The following SEC31A variants were observed in gnomAD, a reference collection of about 807,000 sequenced individuals.
SEC31A encodes SEC31 homolog A, COPII component, also known as protein transport protein Sec31A.
A neutral mutation model predicts 151.0 loss-of-function variants in SEC31A; 70 were observed. The ratio of observed to expected loss-of-function variants is 0.46; its 90% CI spans 0.38 to 0.57. The LOEUF (loss-of-function observed/expected upper bound fraction) is 0.57, where lower values mean the gene tolerates loss of function less well. SEC31A is among the 20% of genes least tolerant of loss of function. SEC31A has a pLI of 0.00. For synonymous variants in SEC31A, 475 were observed against 505.9 expected (o/e 0.94, Z 0.82); for missense variants, 1,330 against 1,471.2 (o/e 0.90, Z 1.57).
In SEC31A at chr4:82,888,386, A is replaced by ATATATATATATACGCG. The variant is rs1553938457; in HGVS notation, c.-5+2701_-5+2702insCGCGTATATATATATA. On this transcript the variant is annotated intron_variant, in intron 1 of 26. Transcript: ENST00000395310. ...AAAAAAAAAAAAACACACAAAAAACATATATATATATACACACAGACACGG... is the reference window on the plus strand; with the variant it reads ...AAAAAAAAAAAAACACACAAAAAACATATATATATATACGCGTATATATATATACACACAGACACGG... Among the ~76,000 whole-genome samples the ATATATATATATACGCG allele has an allele frequency of 1.5e-4, 6 of 39,360 alleles. No individual in the cohort carries two copies. The East Asian group carries it at 3.1e-3, about 20-fold the overall frequency. The allele number at this position is 39,360 out of a possible 152,430, so 25.8% of individuals were successfully genotyped here.
intron 19 of SEC31A, among the ~76,000 whole-genome samples, chr4:82,851,017 T>C (rs567448191): frequency 2.8e-4 from 42 of 152,358 alleles, no homozygotes; most frequent in South Asian, 6.2e-4. Context: ...ACTTCAATAC[T>C]ATCTGGGATG....
chr4:82,822,157 A>G (rs771033665), intron 25 of SEC31A, among the ~76,000 whole-genome samples: 6 of 152,234 alleles, frequency 3.9e-5, no homozygotes, highest in Non-Finnish European at 8.8e-5. Flanking sequence ...TTCAATATTT[A>G]TTGGCTGCTT....
At chr4:82,835,185 C>G in intron 22 of SEC31A, among the ~76,000 whole-genome samples, 1 of 152,122 alleles carries the variant, frequency 6.6e-6, no homozygotes, top group East Asian at 1.9e-4. Flanking sequence ...CTGATCTCTA[C>G]TTTATAGAGA....
In SEC31A at chr4:82,881,942, T is replaced by G; in HGVS notation, c.-4-2A>C. The G allele has an allele frequency of 6.2e-7, 1 of 1,612,160 alleles. No homozygotes were observed. Among genetic ancestry groups the G allele is most frequent in the South Asian group, 1.1e-5 (1 of 91,030 alleles). On this transcript the variant is annotated splice_acceptor_variant, in intron 1 of 26. Transcript: ENST00000395310. LOFTEE classifies it low-confidence loss of function (5UTR_SPLICE). The stretch of plus-strand genomic sequence containing the variant: ...TCTACTTCCTTTAACTTCATCCTGC[T>G]AAAGGGAATATTTTATACAGAAACA...
At chr4:82,868,655 A>T (rs1320412876) in intron 8 of SEC31A, among the ~76,000 whole-genome samples, 1 of 152,172 alleles carries the variant, frequency 6.6e-6, no homozygotes, top group Admixed American at 6.5e-5. Flanking sequence ...TGATAAGTCA[A>T]ATGAACTTAA....
chr4:82,845,435 G>C (rs965743193), intron 20 of SEC31A: 4 of 448,590 alleles, frequency 8.9e-6, no homozygotes, highest in Admixed American at 8.2e-5. Context: ...TCAGGCAACT[G>C]CTTTCAAGGT....
In SEC31A at chr4:82,878,694, C is replaced by T. The variant is rs748810308; in HGVS notation, c.402+36G>A. 9.7e-6 allele frequency: 15 copies of T among 1,544,532 alleles called. No homozygotes were observed. The African/African-American group carries it at 1.8e-4, about 18-fold the overall frequency. ...ATATACTGATTTCAAATGAGCAGCACATAGTCTAAGAATTATGAAATGTTA... is the reference window on the plus strand; with the variant it reads ...ATATACTGATTTCAAATGAGCAGCATATAGTCTAAGAATTATGAAATGTTA... On this transcript the variant is annotated intron_variant, in intron 4 of 26. Coordinates refer to ENST00000395310, the MANE Select transcript of SEC31A (RefSeq NM_001077207.4).
At chr4:82,871,345 G>T (rs7685043) in intron 7 of SEC31A, 1,157,322 of 1,493,870 alleles carry the variant, frequency 0.77, 453,048 homozygotes, top group Admixed American at 0.82. Flanking sequence ...CACAAGTAAC[G>T]TAGGTACAGT....
chr4:82,833,408 G>A (rs1726452085), intron 22 of SEC31A, among the ~76,000 whole-genome samples: 1 of 152,056 alleles, frequency 6.6e-6, no homozygotes, highest in South Asian at 2.1e-4. Context: ...CCTGTGGGGG[G>A]CTAGGGGAGG....
chr4:82,836,744 T>C (rs1437379237), intron 22 of SEC31A, among the ~76,000 whole-genome samples: 1 of 152,104 alleles, frequency 6.6e-6, no homozygotes, highest in African/African-American at 2.4e-5. Context: ...GGGTACAGTG[T>C]TTCAGTATGA....
chr4:82,844,285 C>T (rs1338562549), intron 21 of SEC31A, 101 bp downstream of exon 21: 4 of 1,292,404 alleles, frequency 3.1e-6, no homozygotes, highest in Middle Eastern at 2.1e-4. Context: ...CACAATGGTT[C>T]TTACTTATTG....
At chr4:82,833,750 A>C (rs1484402306) in intron 22 of SEC31A, among the ~76,000 whole-genome samples, 2 of 152,182 alleles carry the variant, frequency 1.3e-5, no homozygotes, top group Non-Finnish European at 1.5e-5. Flanking sequence ...ATGTGGATTC[A>C]GCTATCATTA....
In SEC31A at chr4:82,819,611, A is replaced by T. The variant is rs1214254203; in HGVS notation, c.3484-358T>A. Among the ~76,000 whole-genome samples the T allele has an allele frequency of 2.6e-5, 4 of 152,162 alleles. 1 individual carries two copies. Among genetic ancestry groups the T allele is most frequent in the Non-Finnish European group, 5.9e-5 (4 of 68,028 alleles). On this transcript the variant is annotated intron_variant, in intron 26 of 26. Transcript: ENST00000395310. The stretch of plus-strand genomic sequence containing the variant: ...CCTATGCACAAAAAGGAGATTAAAG[A>T]TTCTTAATCATAATATCTCAAAGGA...
chr4:82,899,407 T>A (rs1184674872), intron 3 of SEC31A: 1 of 152,230 alleles, frequency 6.6e-6, no homozygotes, highest in Non-Finnish European at 1.5e-5. Context: ...ATTTTTTCCT[T>A]AAAGATAGCT....
chr4:82,880,692 G>A, intron 3 of SEC31A, 107 bp downstream of exon 3: 8 of 906,800 alleles, frequency 8.8e-6, no homozygotes, highest in Non-Finnish European at 1.3e-5. Context: ...TCATGTTCTT[G>A]ATGGTATTCC....
At chr4:82,892,646 A>C (rs1719869926), upstream of SEC31A, among the ~76,000 whole-genome samples, 2 of 152,374 alleles carry the variant, frequency 1.3e-5, no homozygotes, top group South Asian at 4.1e-4. Context: ...CTATCTGTGC[A>C]TGAACTAAAC....
chr4:82,836,217 A>G (rs1727221073), intron 22 of SEC31A, among the ~76,000 whole-genome samples: 1 of 151,770 alleles, frequency 6.6e-6, no homozygotes, highest in Non-Finnish European at 1.5e-5. Flanking sequence ...TACTAAAAAT[A>G]CAAAAATTAG....
intron 20 of SEC31A, chr4:82,845,078 C>T: frequency 1.6e-6 from 1 of 614,494 alleles, no homozygotes; most frequent in Non-Finnish European, 2.8e-6. Flanking sequence ...CATTAAAATG[C>T]AATGAGCAGG....
chr4:82,862,329 A>G (rs1044878409), intron 13 of SEC31A, among the ~76,000 whole-genome samples: 3 of 152,032 alleles, frequency 2.0e-5, no homozygotes, highest in Admixed American at 1.3e-4. Flanking sequence ...CAAAATTCAA[A>G]TATGTATGTC....
Sources: allele counts gnomAD v4.1 joint callset (sites outside exome capture counted in the v4.1 genomes callset), GRCh38; gene constraint gnomAD v4.1.1; transcripts MANE v1.5; gene names NCBI Gene and HGNC (gene_info 2026-07-23, HGNC 2026-07-21).